The following PAPPA2 variants were observed in gnomAD, a reference collection of about 807,000 sequenced individuals.
PAPPA2 encodes pappalysin 2.
PAPPA2 carries 86 observed loss-of-function variants against 176.4 expected under a neutral mutation model. That is an observed-to-expected ratio of 0.49 (90% CI 0.41 to 0.58). The LOEUF (loss-of-function observed/expected upper bound fraction) is 0.58. Among genes scored for constraint, PAPPA2 ranks in the 20% least tolerant of loss-of-function variants. The pLI is 0.00. For missense variants in PAPPA2, 2,073 were observed against 2,256.9 expected, an observed-to-expected ratio of 0.92 and a Z score of 1.65; for synonymous variants, 809 against 852.2, an observed-to-expected ratio of 0.95 and a Z score of 0.88.
At chr1:176,842,128 C>A (rs895787031) in intron 22 of PAPPA2, among the ~76,000 whole-genome samples, 2 of 152,112 alleles carry the variant, frequency 1.3e-5, no homozygotes, top group African/African-American at 4.8e-5. Context: ...CACACAAACA[C>A]CCTCTGGGGT....
intron 2 of PAPPA2, among the ~76,000 whole-genome samples, chr1:176,571,964 G>A (rs545214199): frequency 6.6e-5 from 10 of 152,258 alleles, no homozygotes; most frequent in South Asian, 6.2e-4. Context: ...AAAGCCCTTC[G>A]AGATAAACCT....
intron 3 of PAPPA2, among the ~76,000 whole-genome samples, chr1:176,662,152 T>C (rs1466603553): frequency 6.6e-6 from 1 of 152,154 alleles, no homozygotes; most frequent in African/African-American, 2.4e-5. Context: ...TTAGAGGAAT[T>C]CAGGTTTAAA....
chr1:176,739,033 A>G (rs1345400787), intron 12 of PAPPA2, among the ~76,000 whole-genome samples: 1 of 152,128 alleles, frequency 6.6e-6, no homozygotes, highest in Admixed American at 6.6e-5. Flanking sequence ...CCAGGAAGAC[A>G]CATAAGAATA....
chr1:176,678,166 A>G (rs751137582), intron 4 of PAPPA2, among the ~76,000 whole-genome samples: 2 of 152,178 alleles, frequency 1.3e-5, no homozygotes, highest in Non-Finnish European at 2.9e-5. Context: ...TTGCATGACC[A>G]CAGCAGTGCT....
chr1:176,623,610 C>CTTTTTTA (rs1558479000), intron 3 of PAPPA2, among the ~76,000 whole-genome samples: 1 of 95,574 alleles, frequency 1.0e-5, no homozygotes, highest in African/African-American at 4.6e-5. Context: ...TTCCTTCCTT[C>CTTTTTTA]CTTCCTTCCT....
At chr1:176,509,859 C>A (rs1173262900) in intron 1 of PAPPA2, among the ~76,000 whole-genome samples, 2 of 147,470 alleles carry the variant, frequency 1.4e-5, no homozygotes, top group African/African-American at 2.5e-5. Context: ...AACAAACAAA[C>A]AAAAAAAAAC....
In PAPPA2 at chr1:176,604,811, A is replaced by G. The variant is rs116096885; in HGVS notation, c.1991+9216A>G. 6.2e-3 allele frequency among the ~76,000 whole-genome samples: 940 copies of G among 152,358 alleles called. 17 individuals carry two copies. The highest frequency in any genetic ancestry group is 0.021 in the African/African-American group (857 of 41,588). On this transcript the variant is annotated intron_variant, in intron 3 of 22. Coordinates refer to ENST00000367662, the MANE Select transcript of PAPPA2 (RefSeq NM_020318.3). ...AATTAGTGTATACATATAAATATAT[A>G]TCTGTATGTAGATGGAAAACCAATG... is the stretch of plus-strand genomic sequence containing the variant.
At chr1:176,822,160 A>G (rs367706003) in intron 21 of PAPPA2, among the ~76,000 whole-genome samples, 32 of 152,308 alleles carry the variant, frequency 2.1e-4, no homozygotes, top group African/African-American at 7.7e-4. Flanking sequence ...TTCTTTGAGC[A>G]AAAGTTGTAA....
chr1:176,671,567 C>T (rs186163862), intron 4 of PAPPA2, among the ~76,000 whole-genome samples: 41 of 152,074 alleles, frequency 2.7e-4, no homozygotes, highest in Non-Finnish European at 4.1e-4. Context: ...GCCTGCTCAC[C>T]GGGGAAAAGA....
chr1:176,671,776 T>C (rs529444508), intron 4 of PAPPA2, among the ~76,000 whole-genome samples: 11 of 151,386 alleles, frequency 7.3e-5, no homozygotes, highest in African/African-American at 1.5e-4. Flanking sequence ...ATGGATGAAA[T>C]TGGAAATCAT....
chr1:176,556,111 G>A lies in PAPPA2; in HGVS notation c.-212G>A. Reference sequence around the variant, plus strand: ...GAAGCGTGCGGGAAGCACATGCCCTGGGGAGGCATAGAAGCCACACTGGCA... The same window carrying A: ...GAAGCGTGCGGGAAGCACATGCCCTAGGGAGGCATAGAAGCCACACTGGCA... On this transcript the variant is annotated 5_prime_UTR_variant, in exon 2 of 23. It introduces an in-frame stop codon into an upstream open reading frame of the 5' UTR. Transcript: ENST00000367662. 1 of 596,214 alleles carries A rather than the reference G, an allele frequency of 1.7e-6. No homozygotes were observed. The highest frequency in any genetic ancestry group is 2.9e-6 in the Non-Finnish European group (1 of 340,698). 36.9% of individuals were successfully genotyped at this position (596,214 alleles called of 1,614,324 possible).
At chr1:176,731,171 T>C (rs1284133332) in intron 12 of PAPPA2, among the ~76,000 whole-genome samples, 2 of 152,080 alleles carry the variant, frequency 1.3e-5, no homozygotes, top group Non-Finnish European at 2.9e-5. Flanking sequence ...TAAATTTGTG[T>C]TCCTTATACT....
At chr1:176,560,297 C>T (rs1651588346) in intron 2 of PAPPA2, among the ~76,000 whole-genome samples, 1 of 152,142 alleles carries the variant, frequency 6.6e-6, no homozygotes, top group Non-Finnish European at 1.5e-5. Context: ...CTCCAAACTC[C>T]CACATTCTTC....
intron 4 of PAPPA2, among the ~76,000 whole-genome samples, chr1:176,686,942 A>G (rs138557556): frequency 0.012 from 1,898 of 152,292 alleles, 34 homozygotes; most frequent in African/African-American, 0.04. Flanking sequence ...GGATAATTTT[A>G]TAATTTTGTG....
At chr1:176,545,488 T>C (rs1404886807) in intron 1 of PAPPA2, among the ~76,000 whole-genome samples, 1 of 151,986 alleles carries the variant, frequency 6.6e-6, no homozygotes, top group African/African-American at 2.4e-5. Context: ...CTGTGCATGA[T>C]TTTTTTCTTG....
chr1:176,741,825 A>G (rs949770114), intron 14 of PAPPA2, among the ~76,000 whole-genome samples: 31 of 152,200 alleles, frequency 2.0e-4, no homozygotes, highest in African/African-American at 7.5e-4. Context: ...AGACTATTAA[A>G]ATAACATTTA....
At chr1:176,525,041 C>CA (rs962450408) in intron 1 of PAPPA2, among the ~76,000 whole-genome samples, 43 of 143,478 alleles carry the variant, frequency 3.0e-4, no homozygotes, top group South Asian at 8.8e-4. Flanking sequence ...GACTCCGTCT[C>CA]AAAAAAAAAA....
chr1:176,614,377 G>C (rs1655094892), intron 3 of PAPPA2, among the ~76,000 whole-genome samples: 1 of 152,162 alleles, frequency 6.6e-6, no homozygotes, highest in African/African-American at 2.4e-5. Context: ...TCTTGTAGCA[G>C]GATCTGGTGT....
At chr1:176,716,617 T>TTG (rs1661387430) in intron 12 of PAPPA2, among the ~76,000 whole-genome samples, 1 of 144,708 alleles carries the variant, frequency 6.9e-6, no homozygotes, top group South Asian at 2.3e-4. Flanking sequence ...TTTTTTTTTT[T>TTG]TTTTTGTTTT....
Sources: allele counts gnomAD v4.1 joint callset (sites outside exome capture counted in the v4.1 genomes callset), GRCh38; gene constraint gnomAD v4.1.1; transcripts MANE v1.5; gene names NCBI Gene and HGNC (gene_info 2026-07-23, HGNC 2026-07-21).